Variants in AP4B1 observed in about 807,000 individuals in gnomAD.
AP4B1 encodes the protein adaptor related protein complex 4 subunit beta 1, also known as AP-4 complex subunit beta-1.
A neutral mutation model predicts 76.5 loss-of-function variants in AP4B1; 49 were observed. The ratio of observed to expected loss-of-function variants is 0.64; its 90% CI spans 0.51 to 0.81. AP4B1 has a LOEUF of 0.81. Among genes scored for constraint, AP4B1 ranks in the 40% least tolerant of loss-of-function variants. AP4B1 has a pLI of 0.00. For missense variants in AP4B1, 911 were observed against 904.9 expected (o/e 1.01, Z -0.09); for synonymous variants, 330 against 333.3 (o/e 0.99, Z 0.11).
At chr1:113,900,476 A>G (rs1191159470) in intron 4 of AP4B1, 76 bp from the exon 5 acceptor site, 13 of 1,547,698 alleles carry the variant, frequency 8.4e-6, no homozygotes, top group Non-Finnish European at 1.1e-5. Context: ...CCATATGACC[A>G]GGTGGTTGTT....
At chr1:113,896,177 C>T (rs185211289) in intron 8 of AP4B1, 81 bp downstream of exon 8, 69 of 1,594,614 alleles carry the variant, frequency 4.3e-5, no homozygotes, top group African/African-American at 3.1e-4. Flanking sequence ...GGGTCCCAGA[C>T]GTGACTCACC....
At chr1:113,901,522 C>CAAAA in intron 3 of AP4B1, 139 bp from the exon 4 acceptor site, 1 of 995,930 alleles carries the variant, frequency 1.0e-6, no homozygotes, top group Non-Finnish European at 1.4e-6. Context: ...AAGTGCAAGG[C>CAAAA]AAAAAAAAAA....
Position 113,895,287 on chromosome 1 carries a change from G to A in AP4B1, c.1998C>T (p.Ile666=). ...TLQMALQVVN[I]QTIAMSRAGS... The stretch of plus-strand genomic sequence containing the variant: ...CAGCCCTACTCATTGCGATGGTCTG[G>A]ATGTTCACTACTTGAAGAGCCATCT... The change falls in exon 10 of 10, where the codon ATC becomes ATT. Residue 666 remains isoleucine, a synonymous_variant. Transcript: ENST00000369569. The A allele has an allele frequency of 6.2e-7, 1 of 1,614,204 alleles. No homozygotes were observed. Among genetic ancestry groups the A allele is most frequent in the Non-Finnish European group, 8.5e-7 (1 of 1,180,034 alleles).
Position 113,895,835 on chromosome 1 carries a change from A to G in AP4B1, c.1714T>C (p.Trp572Arg). 6.2e-7 allele frequency: 1 copy of G among 1,614,254 alleles called. No individual in the cohort carries two copies. The highest frequency in any genetic ancestry group is 8.5e-7 in the Non-Finnish European group (1 of 1,180,034). ...TLVPVYGKAH[W>R]ATISKCQGAE... ...CCCTGGCATTTAGAGATAGTTGCCC[A>G]GTGGGCTTTGCCATACACTGGCACC... Residue 572 changes from tryptophan (W) to arginine (R), a missense_variant, in exon 9 of 10, where the codon TGG becomes CGG. Physicochemically the swap from Trp to Arg is moderately radical, Grantham distance 101. Transcript: ENST00000369569.
In AP4B1 at chr1:113,904,623, A is replaced by G; in HGVS notation, c.95T>C (p.Val32Ala). The change falls in exon 1 of 10, where the codon GTC becomes GCC. Residue 32 changes from valine (V) to alanine (A), a missense_variant. By Grantham distance (64) the Val-to-Ala change is moderately conservative (BLOSUM62 0). Transcript: ENST00000369569. ...GTGATACCTAATCACTCGCTGGATG[A>G]CATTCCGGTAGCGCAGCCTATCAGC... ...IQADRLRYRNVIQRVIRYMTQ... is the reference protein window; with the variant it reads ...IQADRLRYRNAIQRVIRYMTQ... 1 of 1,613,914 alleles carries G rather than the reference A, an allele frequency of 6.2e-7. No homozygotes were observed.
intron 6 of AP4B1, 48 bp from the exon 7 acceptor site, chr1:113,897,991 T>C (rs369014625): frequency 7.5e-5 from 121 of 1,613,176 alleles, no homozygotes; most frequent in Non-Finnish European, 9.7e-5. Flanking sequence ...AGCCTCCAGG[T>C]AGGCAGGAAT....
chr1:113,896,208 A>C, intron 8 of AP4B1, 50 bp downstream of exon 8: 1 of 1,610,296 alleles, frequency 6.2e-7, no homozygotes, highest in South Asian at 1.1e-5. Flanking sequence ...AGCTATTAAG[A>C]ATTTTTACTA....
rs920359778 is a variant in AP4B1, at chr1:113,899,229, T to C, written c.1115-428A>G. 7 of 1,023,574 alleles carry C rather than the reference T, an allele frequency of 6.8e-6. No individual in the cohort carries two copies. The African/African-American group carries it at 8.7e-5, about 13-fold the overall frequency. 63.4% of individuals were successfully genotyped at this position (1,023,574 alleles called of 1,614,324 possible). A position where few individuals can be genotyped will look rare whatever the true frequency, so the allele number is the denominator to read the frequency against. On this transcript the variant is annotated intron_variant, in intron 5 of 9. Coordinates refer to ENST00000369569, the MANE Select transcript of AP4B1 (RefSeq NM_001253852.3). ...CTGCCCCTAAAATAACCATGCTTTATTCCAAATATGAGGGTTGCTCCTCCT... is the reference window on the plus strand; with the variant it reads ...CTGCCCCTAAAATAACCATGCTTTACTCCAAATATGAGGGTTGCTCCTCCT...
In AP4B1 at chr1:113,896,057, T is replaced by C. The variant is rs1318371475; in HGVS notation, c.1511-19A>G. On this transcript the variant is annotated intron_variant, in intron 8 of 9. Coordinates refer to ENST00000369569, the MANE Select transcript of AP4B1 (RefSeq NM_001253852.3). Reference sequence around the variant, plus strand: ...TCTTCCTCTGAGGTAAGACAACAGATTGACTTCATTAAAAACAAAACCACT... The same window carrying C: ...TCTTCCTCTGAGGTAAGACAACAGACTGACTTCATTAAAAACAAAACCACT... 1.9e-6 allele frequency: 3 copies of C among 1,614,174 alleles called. No homozygotes were observed. The highest frequency in any genetic ancestry group is 1.1e-5 in the South Asian group (1 of 91,080).
Position 113,896,370 on chromosome 1 carries a change from C to A in AP4B1, c.1398G>T (p.Ser466=). 6.2e-7 allele frequency: 1 copy of A among 1,614,170 alleles called. No homozygotes were observed. Among genetic ancestry groups the A allele is most frequent in the Non-Finnish European group, 8.5e-7 (1 of 1,180,030 alleles). ...CCATCTTAACAGCTGGAAATGTTTC[C>A]GACTTCACATTCTCAACAAAGTCCT... The part of the protein sequence containing the change: ...VLEDFVENVK[S]ETFPAVKMEL... Residue 466 remains serine (S), a synonymous_variant, in exon 8 of 10, where the codon TCG becomes TCT. Coordinates refer to ENST00000369569, the MANE Select transcript of AP4B1 (RefSeq NM_001253852.3).
Position 113,897,861 on chromosome 1 carries a change from T to G in AP4B1, c.1281A>C (p.Glu427Asp). The change falls in exon 7 of 10, where the codon GAA becomes GAC. Residue 427 changes from glutamate (E) to aspartate (D), a missense_variant. Coordinates refer to ENST00000369569, the MANE Select transcript of AP4B1 (RefSeq NM_001253852.3). Reference protein sequence around the residue: ...EAVCQALPGCEENIQDSEGKQ... With the variant: ...EAVCQALPGCDENIQDSEGKQ... ...CTACCTCACTATCTTGAATGTTCTC[T>G]TCACAGCCGGGCAGGGCCTGACATA... is the stretch of plus-strand genomic sequence containing the variant. 3 of 1,614,152 alleles carry G rather than the reference T, an allele frequency of 1.9e-6. No homozygotes were observed. In the South Asian group the frequency reaches 3.3e-5, roughly 18 times the overall value.
In AP4B1 at chr1:113,899,833, T is replaced by G. The variant is rs748361474; in HGVS notation, c.1114+71A>C. 2.5e-6 allele frequency: 4 copies of G among 1,612,436 alleles called. No individual in the cohort carries two copies. The Admixed American group carries it at 5.0e-5, about 20-fold the overall frequency. ...CAAGATTCATGCCCTTTGCTCTCTA[T>G]GGTTCCTCTAACCACAGTTTTCTTG... On this transcript the variant is annotated intron_variant, in intron 5 of 9. Coordinates refer to ENST00000369569, the MANE Select transcript of AP4B1 (RefSeq NM_001253852.3).
In AP4B1 at chr1:113,904,749, CTCCCACGGT is replaced by C. The variant is rs1668760326; in HGVS notation, c.-41_-33del. The C allele has an allele frequency of 7.6e-6, 12 of 1,584,904 alleles. No homozygotes were observed. Among genetic ancestry groups the C allele is most frequent in the Non-Finnish European group, 1.0e-5 (12 of 1,155,152 alleles). ...AAGAGTCACAGGGCAGCTCCCACAGCTCCCACGGTAACTCGAGGGCTCCTTCTCGTCCTG... is the reference window on the plus strand; with the variant it reads ...AAGAGTCACAGGGCAGCTCCCACAGCAACTCGAGGGCTCCTTCTCGTCCTG... On this transcript the variant is annotated 5_prime_UTR_variant, in exon 1 of 10. Coordinates refer to ENST00000369569, the MANE Select transcript of AP4B1 (RefSeq NM_001253852.3).
At chr1:113,901,445 C>G in intron 3 of AP4B1, 62 bp from the exon 4 acceptor site, 1 of 1,559,608 alleles carries the variant, frequency 6.4e-7, no homozygotes, top group Admixed American at 1.7e-5. Flanking sequence ...AAGGATGTAG[C>G]CAGAGTAATA....
rs745468285 is a variant in AP4B1, at chr1:113,904,577, TTA to T, written c.113+26_113+27del. 1.1e-5 allele frequency: 18 copies of T among 1,606,004 alleles called. No homozygotes were observed. The African/African-American group carries it at 2.3e-4, about 20-fold the overall frequency. ...CTGATGGGGATTGCAAAGGGAGCAGTTAGCACGCGAAGGGAGGTAGGTGATAC... is the reference window on the plus strand; with the variant it reads ...CTGATGGGGATTGCAAAGGGAGCAGTGCACGCGAAGGGAGGTAGGTGATAC... On this transcript the variant is annotated intron_variant, in intron 1 of 9. Transcript: ENST00000369569.
chr1:113,899,495 G>T, intron 5 of AP4B1: 1 of 433,638 alleles, frequency 2.3e-6, no homozygotes, highest in Non-Finnish European at 3.4e-6. Context: ...CTAAAACTAT[G>T]TGCCCTTTTG....
At chr1:113,897,577 C>G (rs1667650100) in intron 7 of AP4B1, 2 of 481,066 alleles carry the variant, frequency 4.2e-6, no homozygotes, top group Admixed American at 3.3e-5. Context: ...CTGGGCAACT[C>G]TATCTCAAGC....
In AP4B1 at chr1:113,894,752, C is replaced by T; in HGVS notation, c.*313G>A. 3.0e-6 allele frequency: 1 copy of T among 328,984 alleles called. No individual in the cohort carries two copies. Among genetic ancestry groups the T allele is most frequent in the Non-Finnish European group, 5.7e-6 (1 of 174,274 alleles). 20.4% of individuals were successfully genotyped at this position (328,984 alleles called of 1,614,324 possible). A position where few individuals can be genotyped will look rare whatever the true frequency, so the allele number is the denominator to read the frequency against. ...ACAAATGATGACCCCTATCAGTTTC[C>T]ACACATCAGCCATCTTTAATTACTA... On this transcript the variant is annotated 3_prime_UTR_variant, in exon 10 of 10. Transcript: ENST00000369569.
intron 4 of AP4B1, chr1:113,900,761 G>T: frequency 3.5e-6 from 1 of 288,698 alleles, no homozygotes; most frequent in South Asian, 4.2e-5. Flanking sequence ...ATATCAATAA[G>T]GGAAAGTAAG....
Sources: allele counts gnomAD v4.1 joint callset, GRCh38; gene constraint gnomAD v4.1.1; transcripts MANE v1.5; gene names NCBI Gene and HGNC (gene_info 2026-07-23, HGNC 2026-07-21).